Variants in FTO observed in about 807,000 individuals in gnomAD.
FTO encodes the protein alpha-ketoglutarate-dependent dioxygenase FTO.
In FTO, 47 loss-of-function variants were observed where a neutral mutation model predicts 63.9. The observed-to-expected ratio is 0.74, with a 90% CI of 0.58 to 0.94. The LOEUF (loss-of-function observed/expected upper bound fraction) is 0.94. Among genes scored for constraint, FTO ranks in the 40% least tolerant of loss-of-function variants. FTO has a pLI of 0.00. For synonymous variants in FTO, 207 were observed against 224.4 expected, an observed-to-expected ratio of 0.92 and a Z score of 0.69; for missense variants, 562 against 618.1, an observed-to-expected ratio of 0.91 and a Z score of 0.96.
intron 8 of FTO, among the ~76,000 whole-genome samples, chr16:54,108,193 G>T (rs2086798741): frequency 6.6e-6 from 1 of 152,100 alleles, no homozygotes. Flanking sequence ...ACAATTTGGG[G>T]CCCCTTTATT....
chr16:53,983,338 A>T (rs1490384456), intron 8 of FTO, among the ~76,000 whole-genome samples: 1 of 151,964 alleles, frequency 6.6e-6, no homozygotes, highest in Non-Finnish European at 1.5e-5. Context: ...CATGCAACAG[A>T]CCCCTAGGGT....
At chr16:53,931,012 C>T (rs1191842570) in intron 7 of FTO, among the ~76,000 whole-genome samples, 6 of 152,142 alleles carry the variant, frequency 3.9e-5, no homozygotes, top group South Asian at 4.1e-4. Flanking sequence ...ACTAAACAGG[C>T]GACATCCCCT....
At chr16:53,819,704 T>C (rs2078799766) in intron 2 of FTO, among the ~76,000 whole-genome samples, 1 of 152,210 alleles carries the variant, frequency 6.6e-6, no homozygotes, top group African/African-American at 2.4e-5. Context: ...AAAAGTTTAT[T>C]GATTAACTGT....
At chr16:54,098,317 T>G (rs2144584005) in intron 8 of FTO, among the ~76,000 whole-genome samples, 1 of 152,304 alleles carries the variant, frequency 6.6e-6, no homozygotes, top group African/African-American at 2.4e-5. Context: ...TGAATGTTTC[T>G]AAAGAAGAGA....
intron 1 of FTO, among the ~76,000 whole-genome samples, chr16:53,760,640 T>A (rs1251144192): frequency 4.7e-5 from 7 of 149,402 alleles, no homozygotes; most frequent in Admixed American, 4.0e-4. Flanking sequence ...TTTTTTTTTT[T>A]TCCTGAGACT....
intron 8 of FTO, among the ~76,000 whole-genome samples, chr16:53,949,651 G>A (rs954641276): frequency 3.3e-5 from 5 of 150,726 alleles, no homozygotes; most frequent in East Asian, 1.9e-4. Flanking sequence ...AAGAAATTTC[G>A]GTATCAATGT....
At chr16:53,759,666 C>T (rs1328411065) in intron 1 of FTO, among the ~76,000 whole-genome samples, 3 of 140,720 alleles carry the variant, frequency 2.1e-5, no homozygotes, top group African/African-American at 8.2e-5. Context: ...TGCACTCCAG[C>T]CTGGGTGACC....
chr16:54,083,867 C>T (rs1201731307), intron 8 of FTO, among the ~76,000 whole-genome samples: 1 of 152,118 alleles, frequency 6.6e-6, no homozygotes, highest in African/African-American at 2.4e-5. Context: ...TGGGTGGTAC[C>T]AAGAGTTTGG....
chr16:53,826,524 A>G (rs374039838), intron 3 of FTO, 33 bp downstream of exon 3: 298 of 1,606,738 alleles, frequency 1.9e-4, no homozygotes, highest in Non-Finnish European at 2.2e-4. Context: ...GCAGCCCTGT[A>G]TGTAATAATA....
At chr16:54,091,996 G>T (rs1254999539) in intron 8 of FTO, among the ~76,000 whole-genome samples, 6 of 152,234 alleles carry the variant, frequency 3.9e-5, no homozygotes, top group Non-Finnish European at 7.3e-5. Context: ...AAGAAAAAGG[G>T]CTGGGCACTA....
At chr16:53,826,748 G>A (rs1307510310) in intron 3 of FTO, among the ~76,000 whole-genome samples, 1 of 152,118 alleles carries the variant, frequency 6.6e-6, no homozygotes, top group Non-Finnish European at 1.5e-5. Flanking sequence ...TCGCACGTAA[G>A]CACTGCTGTC....
At chr16:53,831,937 A>T (rs1171871585) in intron 3 of FTO, among the ~76,000 whole-genome samples, 1 of 152,212 alleles carries the variant, frequency 6.6e-6, no homozygotes, top group South Asian at 2.1e-4. Context: ...AATACAAAGT[A>T]GTAGGTTTGG....
At chr16:53,798,554 A>T (rs1284729415) in intron 1 of FTO, among the ~76,000 whole-genome samples, 1 of 152,160 alleles carries the variant, frequency 6.6e-6, no homozygotes, top group Non-Finnish European at 1.5e-5. Flanking sequence ...AAAAAACTTC[A>T]ATTTCAGATT....
chr16:53,978,402 A>G (rs16952723), intron 8 of FTO, among the ~76,000 whole-genome samples: 2,415 of 152,312 alleles, frequency 0.016, 129 homozygotes, highest in East Asian at 0.12. Context: ...ACAGCTATAC[A>G]ATGAAGAGAT....
At chr16:54,062,260 C>G (rs186188339) in intron 8 of FTO, among the ~76,000 whole-genome samples, 1 of 152,334 alleles carries the variant, frequency 6.6e-6, no homozygotes, top group Non-Finnish European at 1.5e-5. Context: ...TATTTCTGCT[C>G]TGAAAATGAC....
intron 8 of FTO, among the ~76,000 whole-genome samples, chr16:54,031,211 A>C (rs1290651550): frequency 1.3e-5 from 2 of 152,214 alleles, no homozygotes; most frequent in Admixed American, 6.5e-5. Context: ...ATAAGATCTT[A>C]GGGAAAAAAT....
intron 6 of FTO, chr16:53,887,875 A>G (rs2081042478): frequency 6.6e-6 from 1 of 152,128 alleles, no homozygotes; most frequent in South Asian, 2.1e-4. Context: ...TTAGTTTTAT[A>G]TATATAGGTT....
At chr16:54,009,017 CA>C (rs113658094) in intron 8 of FTO, among the ~76,000 whole-genome samples, 464 of 105,884 alleles carry the variant, frequency 4.4e-3, no homozygotes, top group African/African-American at 6.6e-3. Flanking sequence ...GTCCCCCCCC[CA>C]AAAAAAAAGT....
intron 8 of FTO, among the ~76,000 whole-genome samples, chr16:54,032,594 G>T (rs1159499953): frequency 6.6e-6 from 1 of 152,190 alleles, no homozygotes; most frequent in South Asian, 2.1e-4. Flanking sequence ...ACAGTTTGTT[G>T]ATTTTGATAT....
Sources: allele counts gnomAD v4.1 joint callset (sites outside exome capture counted in the v4.1 genomes callset), GRCh38; gene constraint gnomAD v4.1.1; transcripts MANE v1.5; gene names NCBI Gene and HGNC (gene_info 2026-07-23, HGNC 2026-07-21).